The following SGCZ variants were observed in gnomAD, a reference collection of about 807,000 sequenced individuals.
SGCZ encodes the protein sarcoglycan zeta.
In SGCZ, 40 loss-of-function variants were observed where a neutral mutation model predicts 41.3. That is an observed-to-expected ratio of 0.97 (90% confidence interval 0.75 to 1.26). The LOEUF (loss-of-function observed/expected upper bound fraction) is 1.26. SGCZ is among the 50% of genes most tolerant of loss of function. The probability of loss-of-function intolerance (pLI) is 0.00; values close to 1 mark genes in which losing one functional copy is unlikely to be tolerated. For missense variants in SGCZ, 552 were observed against 369.8 expected (o/e 1.49, Z -4.04); for synonymous variants, 206 against 137.5 (o/e 1.50, Z -3.49).
intron 1 of SGCZ, among the ~76,000 whole-genome samples, chr8:14,951,737 A>G (rs944533838): frequency 2.0e-5 from 3 of 152,084 alleles, no homozygotes; most frequent in South Asian, 2.1e-4. Flanking sequence ...TTTCAAGAAC[A>G]TGAGATCTTA....
At chr8:14,610,775 G>A (rs140001637) in intron 1 of SGCZ, among the ~76,000 whole-genome samples, 18 of 152,226 alleles carry the variant, frequency 1.2e-4, no homozygotes, top group Middle Eastern at 3.4e-3. Flanking sequence ...AGGCTCAAAC[G>A]TGAAGGAATT....
chr8:14,613,035 G>T (rs1380819896), intron 1 of SGCZ, among the ~76,000 whole-genome samples: 1 of 152,106 alleles, frequency 6.6e-6, no homozygotes, highest in East Asian at 1.9e-4. Flanking sequence ...TCTGGGGAAA[G>T]AACTTAATCA....
rs1001151618 is a variant in SGCZ, at chr8:14,802,800, G to A, written c.40-247874C>T. ...GGGCTTAGATGAGATAAAGAGGAGC[G>A]AATGTTCCAAGAAATAGGGTGAACT... On this transcript the variant is annotated intron_variant, in intron 1 of 7. Coordinates refer to ENST00000382080, the MANE Select transcript of SGCZ (RefSeq NM_139167.4). Among the ~76,000 whole-genome samples the A allele has an allele frequency of 4.6e-5, 7 of 152,130 alleles. No individual in the cohort carries two copies. In the South Asian group the frequency reaches 6.2e-4, roughly 14 times the overall value.
At chr8:14,160,604 C>G (rs965859) in intron 5 of SGCZ, among the ~76,000 whole-genome samples, 53,315 of 152,054 alleles carry the variant, frequency 0.35, 9,541 homozygotes, top group Middle Eastern at 0.46. Flanking sequence ...GCAAACTTCT[C>G]CTGGGCAAGA....
chr8:14,117,642 T>C lies in SGCZ; in HGVS notation c.548-9407A>G, dbSNP rs140881415. Among the ~76,000 whole-genome samples the C allele has an allele frequency of 6.4e-3, 971 of 151,980 alleles. 13 individuals carry two copies. Among genetic ancestry groups the C allele is most frequent in the African/African-American group, 0.023 (940 of 41,466 alleles). The stretch of plus-strand genomic sequence containing the variant: ...AGTACCTGTGCAGAATGTGCAGGTT[T>C]GTTACATAGGTATACGTGTGCCATA... On this transcript the variant is annotated intron_variant, in intron 5 of 7. Transcript: ENST00000382080.
intron 3 of SGCZ, among the ~76,000 whole-genome samples, chr8:14,276,039 T>A (rs974006598): frequency 1.3e-5 from 2 of 152,218 alleles, no homozygotes; most frequent in Non-Finnish European, 2.9e-5. Flanking sequence ...AAAGCCATGA[T>A]GCTTCTCCGC....
At chr8:14,618,778 A>G (rs1245864451) in intron 1 of SGCZ, among the ~76,000 whole-genome samples, 1 of 152,188 alleles carries the variant, frequency 6.6e-6, no homozygotes, top group African/African-American at 2.4e-5. Context: ...TGAAATGAAC[A>G]GAGTATATGT....
chr8:14,331,446 T>C lies in SGCZ; in HGVS notation c.235-7242A>G, dbSNP rs548901132. 3.3e-5 allele frequency among the ~76,000 whole-genome samples: 5 copies of C among 152,214 alleles called. No homozygotes were observed. In the South Asian group the frequency reaches 1.0e-3, roughly 32 times the overall value. On this transcript the variant is annotated intron_variant, in intron 2 of 7. Coordinates refer to ENST00000382080, the MANE Select transcript of SGCZ (RefSeq NM_139167.4). ...AAAGAAAAAACAAACAAAACATAAG[T>C]TGATGGCCTGCTTTATATGTGTGTT...
intron 2 of SGCZ, among the ~76,000 whole-genome samples, chr8:14,324,720 T>TACTG (rs1802034482): frequency 6.6e-6 from 1 of 152,128 alleles, no homozygotes; most frequent in Non-Finnish European, 1.5e-5. Flanking sequence ...TGTCAGATCC[T>TACTG]TTAGAAAAGA....
At chr8:14,601,869 C>G (rs148183195) in intron 1 of SGCZ, among the ~76,000 whole-genome samples, 19,868 of 152,162 alleles carry the variant, frequency 0.13, 1,440 homozygotes, top group East Asian at 0.21. Context: ...GCCTGTAATC[C>G]CAGCACTTTG....
intron 1 of SGCZ, among the ~76,000 whole-genome samples, chr8:14,851,712 T>C (rs1262476412): frequency 6.6e-6 from 1 of 152,192 alleles, no homozygotes. Context: ...TGATTTTCCA[T>C]TTATATATAT....
chr8:15,121,114 T>C (rs2116950576), intron 1 of SGCZ, among the ~76,000 whole-genome samples: 1 of 152,328 alleles, frequency 6.6e-6, no homozygotes, highest in African/African-American at 2.4e-5. Flanking sequence ...AACCAGTTAA[T>C]TAGTATTCGC....
Position 14,336,064 on chromosome 8 carries a change from T to C in SGCZ, c.235-11860A>G, listed in dbSNP as rs1585378410. Among the ~76,000 whole-genome samples, 3 of 152,056 alleles carry C rather than the reference T, an allele frequency of 2.0e-5. No homozygotes were observed. The South Asian group carries it at 6.2e-4, about 31-fold the overall frequency. Reference sequence around the variant, plus strand: ...TTATTTATTCTGATCTGCTCCCTCCTCCCACCTTCCATCCTCTAGTAGACC... The same window carrying C: ...TTATTTATTCTGATCTGCTCCCTCCCCCCACCTTCCATCCTCTAGTAGACC... On this transcript the variant is annotated intron_variant, in intron 2 of 7. Transcript: ENST00000382080.
At chr8:15,137,293 A>C (rs1371074524) in intron 1 of SGCZ, among the ~76,000 whole-genome samples, 2 of 152,222 alleles carry the variant, frequency 1.3e-5, no homozygotes, top group Non-Finnish European at 2.9e-5. Flanking sequence ...TTTAAGAGGA[A>C]GCAGAGCATA....
At chr8:14,879,912 C>A (rs1014218739) in intron 1 of SGCZ, 2 of 151,998 alleles carry the variant, frequency 1.3e-5, no homozygotes, top group African/African-American at 4.8e-5. Flanking sequence ...GTGTTCTCAG[C>A]TCACTGCACC....
At chr8:15,078,531 T>C (rs915410702) in intron 1 of SGCZ, among the ~76,000 whole-genome samples, 65 of 152,192 alleles carry the variant, frequency 4.3e-4, no homozygotes, top group African/African-American at 1.5e-3. Context: ...ATGTGATATC[T>C]CCCAGATATA....
chr8:14,809,324 A>T (rs1801668667), intron 1 of SGCZ, among the ~76,000 whole-genome samples: 1 of 152,188 alleles, frequency 6.6e-6, no homozygotes, highest in South Asian at 2.1e-4. Flanking sequence ...TGAATATAAG[A>T]TATGCCAGGA....
chr8:14,534,241 C>T (rs1202394106), intron 2 of SGCZ, among the ~76,000 whole-genome samples: 1 of 151,856 alleles, frequency 6.6e-6, no homozygotes, highest in Non-Finnish European at 1.5e-5. Context: ...AGCTGGCTGG[C>T]ACAGAGAAGA....
chr8:14,096,991 T>C lies in SGCZ; in HGVS notation c.744+5385A>G, dbSNP rs1014806150. 4.6e-5 allele frequency among the ~76,000 whole-genome samples: 7 copies of C among 152,096 alleles called. 1 individual carries two copies. Among genetic ancestry groups the C allele is most frequent in the African/African-American group, 1.4e-4 (6 of 41,440 alleles). On this transcript the variant is annotated intron_variant, in intron 7 of 7. Transcript: ENST00000382080. ...ATTGCATCTATTTGATTCTTCTCTC[T>C]TTCCTTCTTTATTAGTCTGGCTAGC...
Sources: allele counts gnomAD v4.1 joint callset (sites outside exome capture counted in the v4.1 genomes callset), GRCh38; gene constraint gnomAD v4.1.1; transcripts MANE v1.5; gene names NCBI Gene and HGNC (gene_info 2026-07-23, HGNC 2026-07-21).